The following TIMM50 variants were observed in gnomAD, a reference collection of about 807,000 sequenced individuals.
The protein encoded by TIMM50 is mitochondrial import inner membrane translocase subunit TIM50.
TIMM50 carries 34 observed loss-of-function variants against 49.6 expected under a neutral mutation model. The observed-to-expected ratio is 0.69, with a 90% confidence interval of 0.52 to 0.91. The LOEUF (loss-of-function observed/expected upper bound fraction) is 0.91, where lower values mean the gene tolerates loss of function less well. Ranked by LOEUF, TIMM50 falls within the 40% of genes least tolerant of loss-of-function variation. The pLI, the probability that TIMM50 is intolerant of heterozygous loss-of-function variation, is 0.00. For missense variants in TIMM50, 458 were observed against 477.8 expected (o/e 0.96, Z 0.39); for synonymous variants, 199 against 198.4 (o/e 1.00, Z -0.03).
At chr19:39,485,264 G>A in intron 4 of TIMM50, 1 of 483,184 alleles carries the variant, frequency 2.1e-6, no homozygotes, top group Non-Finnish European at 3.8e-6. Context: ...GCCCGGCCTT[G>A]TATGTGGGTT....
Position 39,483,143 on chromosome 19 carries a change from T to G in TIMM50, c.300T>G (p.Asp100Glu). The part of the protein sequence containing the change: ...PVDENGAKIP[D>E]EFDNDPILVQ... ...TTCTCTCTACCTCCCAGATTCCTGA[T>G]GAGTTCGACAATGGTGAGTAAACAA... is the stretch of plus-strand genomic sequence containing the variant. The change falls in exon 4 of 11, where the codon GAT (aspartate) becomes GAG (glutamate). Residue 100 changes from aspartate (D) to glutamate (E), a missense_variant. Transcript: ENST00000607714. The G allele has an allele frequency of 6.2e-7, 1 of 1,614,160 alleles. No homozygotes were observed. The highest frequency in any genetic ancestry group is 1.3e-5 in the African/African-American group (1 of 75,040).
intron 4 of TIMM50, chr19:39,485,165 C>A: frequency 4.4e-6 from 1 of 226,390 alleles, no homozygotes; most frequent in Non-Finnish European, 9.0e-6. Flanking sequence ...CAGAGTTTCA[C>A]CATGTTGGCC....
At chr19:39,488,779 G>A in intron 10 of TIMM50, 134 bp downstream of exon 10, 1 of 674,526 alleles carries the variant, frequency 1.5e-6, no homozygotes, top group Non-Finnish European at 2.6e-6. Context: ...CTCAGTCTCT[G>A]TAACCAGGGG....
intron 6 of TIMM50, 42 bp downstream of exon 6, chr19:39,485,849 C>T (rs1365054575): frequency 1.2e-6 from 2 of 1,611,164 alleles, no homozygotes; most frequent in Admixed American, 3.4e-5. Context: ...TAGACCTGGG[C>T]AGTGGGGTTG....
intron 10 of TIMM50, 141 bp downstream of exon 10, chr19:39,488,786 G>C: frequency 1.5e-6 from 1 of 661,204 alleles, no homozygotes. Context: ...TCTGTAACCA[G>C]GGGGATATAA....
At chr19:39,482,761 C>T (rs2079481147) in intron 2 of TIMM50, 124 bp from the exon 3 acceptor site, 2 of 1,318,134 alleles carry the variant, frequency 1.5e-6, no homozygotes, top group Admixed American at 3.9e-5. Context: ...CCTGGCTTGA[C>T]TCCAGGAGGC....
In TIMM50 at chr19:39,483,172, C is replaced by T. The variant is rs1341500019; in HGVS notation, c.313+16C>T. The T allele has an allele frequency of 1.2e-6, 2 of 1,614,138 alleles. No individual in the cohort carries two copies. Among genetic ancestry groups the T allele is most frequent in the East Asian group, 2.2e-5 (1 of 44,880 alleles). On this transcript the variant is annotated intron_variant, in intron 4 of 10. Transcript: ENST00000607714. ...TTCGACAATGGTGAGTAAACAAGCA[C>T]AGATTCTGGAGTCCCTGACCCTCTC...
chr19:39,482,659 C>CAA (rs202217358), intron 2 of TIMM50, among the ~76,000 whole-genome samples: 3 of 125,420 alleles, frequency 2.4e-5, no homozygotes, highest in Non-Finnish European at 1.7e-5. Context: ...GACTCTGTCT[C>CAA]AAAAAAAAAA....
At position 39,488,720 on chromosome 19, in the gene TIMM50, C is replaced by T. The variant is rs904414115; in HGVS notation, c.960+75C>T. ...GGAGGAGCCTGGGGCAGTCCATCTC[C>T]ACACTCTTGGTTTGGCTGTGTGACC... On this transcript the variant is annotated intron_variant, in intron 10 of 10. Transcript: ENST00000607714. The T allele has an allele frequency of 9.8e-6, 12 of 1,228,210 alleles. No individual in the cohort carries two copies. The Admixed American group carries it at 1.4e-4, about 14-fold the overall frequency. The allele number at this position is 1,228,210 out of a possible 1,614,324, so 76.1% of individuals were successfully genotyped here.
intron 9 of TIMM50, 31 bp from the exon 10 acceptor site, chr19:39,488,508 C>G: frequency 6.3e-7 from 1 of 1,599,626 alleles, no homozygotes; most frequent in Non-Finnish European, 8.6e-7. Context: ...CCTTTAGAAG[C>G]CTGGCTGACC....
intron 10 of TIMM50, 93 bp from the exon 11 acceptor site, chr19:39,489,626 G>A (rs1323772754): frequency 1.5e-5 from 18 of 1,212,228 alleles, no homozygotes; most frequent in Non-Finnish European, 2.1e-5. Context: ...AGGAAAGGTG[G>A]TCCCTGGGCT....
Position 39,486,547 on chromosome 19 carries a change from C to G in TIMM50, c.696+52C>G, listed in dbSNP as rs45575734. ...TGGGATTTGGCGGAGTTGGCACCAC[C>G]TGAGGGAAGGAGGGCCCAGCTCTGA... On this transcript the variant is annotated intron_variant, in intron 8 of 10. Transcript: ENST00000607714. The G allele has an allele frequency of 0.041, 63,170 of 1,527,712 alleles. 1,430 individuals are homozygous for G. Among genetic ancestry groups the G allele is most frequent in the East Asian group, 0.056 (2,485 of 44,390 alleles). The allele number at this position is 1,527,712 out of a possible 1,614,324, so 94.6% of individuals were successfully genotyped here.
intron 8 of TIMM50, among the ~76,000 whole-genome samples, chr19:39,487,523 T>C (rs188517898): frequency 1.3e-5 from 2 of 152,152 alleles, no homozygotes; most frequent in Admixed American, 1.3e-4. Context: ...AGTGGCGCGA[T>C]CTTGGTTCAC....
intron 4 of TIMM50, among the ~76,000 whole-genome samples, chr19:39,483,874 G>T (rs2079488208): frequency 6.6e-6 from 1 of 151,674 alleles, no homozygotes; most frequent in African/African-American, 2.4e-5. Context: ...TTTTTTTTGA[G>T]ACATAGTCTT....
intron 6 of TIMM50, 90 bp downstream of exon 6, chr19:39,485,897 A>G (rs551476825): frequency 7.1e-6 from 11 of 1,558,018 alleles, no homozygotes; most frequent in African/African-American, 1.4e-5. Flanking sequence ...GTGCTATGTG[A>G]TCTTGGGGAG....
chr19:39,483,121 T>C lies in TIMM50; in HGVS notation c.292-14T>C. Reference sequence around the variant, plus strand: ...TGACATCCTAAACCTTCCATTTTTCTCTCTACCTCCCAGATTCCTGATGAG... The same window carrying C: ...TGACATCCTAAACCTTCCATTTTTCCCTCTACCTCCCAGATTCCTGATGAG... On this transcript the variant is annotated splice_polypyrimidine_tract_variant and intron_variant, in intron 3 of 10. Transcript: ENST00000607714. 1.2e-6 allele frequency: 2 copies of C among 1,614,184 alleles called. No homozygotes were observed. The highest frequency in any genetic ancestry group is 2.2e-5 in the East Asian group (1 of 44,888).
At chr19:39,483,067 C>T (rs1474312026) in intron 3 of TIMM50, 68 bp from the exon 4 acceptor site, 1 of 1,611,946 alleles carries the variant, frequency 6.2e-7, no homozygotes, top group Non-Finnish European at 8.5e-7. Flanking sequence ...CTGGAGATTC[C>T]TTTTCTGTAT....
rs2079499301 is a variant in TIMM50, at chr19:39,485,584, T to C, written c.354T>C (p.Tyr118=). The change falls in exon 5 of 11, where the codon TAT becomes TAC. Residue 118 remains tyrosine (Y), a synonymous_variant. Coordinates refer to ENST00000607714, the MANE Select transcript of TIMM50 (RefSeq NM_001001563.5). ...AGCAGTTGCGCCGGACATACAAATA[T>C]TTCAAAGATTATAGACAGGTGAGCA... ...LVQQLRRTYK[Y]FKDYRQMIIE... is the part of the protein sequence containing the mutation. 5.0e-6 allele frequency: 8 copies of C among 1,614,034 alleles called. No individual in the cohort carries two copies. Among genetic ancestry groups the C allele is most frequent in the Non-Finnish European group, 5.9e-6 (7 of 1,180,034 alleles).
chr19:39,490,377 ATTT>A lies in TIMM50; in HGVS notation c.*571_*573del, dbSNP rs56770869. 7.1e-5 allele frequency: 10 copies of A among 141,346 alleles called. No homozygotes were observed. Among genetic ancestry groups the A allele is most frequent in the Non-Finnish European group, 1.1e-4 (7 of 64,300 alleles). 8.8% of individuals were successfully genotyped at this position (141,346 alleles called of 1,614,324 possible). On this transcript the variant is annotated 3_prime_UTR_variant, in exon 11 of 11. Coordinates refer to ENST00000607714, the MANE Select transcript of TIMM50 (RefSeq NM_001001563.5). The stretch of plus-strand genomic sequence containing the variant: ...TCAAAAGAAGCAAGAACTTGGGAAT[ATTT>A]TTTTTTTTTTTTTGAGACAGGGTCT...
Sources: gnomAD v4.1 joint callset for allele counts (sites outside exome capture counted in the v4.1 genomes callset) on GRCh38, gnomAD v4.1.1 for gene constraint, MANE v1.5 for transcripts, NCBI Gene and HGNC (gene_info 2026-07-23, HGNC 2026-07-21) for gene names.